KIAA0319: variants seen among roughly 807,000 people sequenced by gnomAD.
KIAA0319 encodes KIAA0319, also known as dyslexia-associated protein KIAA0319.
A neutral mutation model predicts 108.4 loss-of-function variants in KIAA0319; 83 were observed. The ratio of observed to expected loss-of-function variants is 0.77; its 90% confidence interval spans 0.64 to 0.92. The LOEUF is 0.92. Among genes scored for constraint, KIAA0319 ranks in the 40% least tolerant of loss-of-function variants. The probability of loss-of-function intolerance (pLI) is 0.00; values close to 1 mark genes in which losing one functional copy is unlikely to be tolerated. For synonymous variants in KIAA0319, 484 were observed against 510.4 expected, an observed-to-expected ratio of 0.95 and a Z score of 0.70; for missense variants, 1,195 against 1,322.4, an observed-to-expected ratio of 0.90 and a Z score of 1.49.
At chr6:24,564,730 C>T (rs1377637718) in intron 14 of KIAA0319, among the ~76,000 whole-genome samples, 3 of 152,190 alleles carry the variant, frequency 2.0e-5, no homozygotes, top group Non-Finnish European at 2.9e-5. Flanking sequence ...CTTGAATTCC[C>T]TCATAATGTA....
In KIAA0319 at chr6:24,600,489, G is replaced by A; in HGVS notation, c.55+560C>T. ...CACATCCCTAGGAGGTCTGGAGTGTGGCATGAGAAACTGCATTTTAACAAG... is the reference window on the plus strand; with the variant it reads ...CACATCCCTAGGAGGTCTGGAGTGTAGCATGAGAAACTGCATTTTAACAAG... On this transcript the variant is annotated intron_variant, in intron 2 of 20. Transcript: ENST00000378214. 6.2e-6 allele frequency: 4 copies of A among 642,902 alleles called. No individual in the cohort carries two copies. The South Asian group carries it at 7.3e-5, about 12-fold the overall frequency. The allele number at this position is 642,902 out of a possible 1,614,324, so 39.8% of individuals were successfully genotyped here.
At chr6:24,566,165 C>T (rs1239043813) in intron 14 of KIAA0319, among the ~76,000 whole-genome samples, 7 of 152,148 alleles carry the variant, frequency 4.6e-5, no homozygotes, top group South Asian at 2.1e-4. Context: ...TGCCGTGGAC[C>T]GAACTGTGTC....
intron 19 of KIAA0319, among the ~76,000 whole-genome samples, chr6:24,553,584 A>C (rs139879451): frequency 1.9e-3 from 294 of 152,186 alleles, no homozygotes; most frequent in Admixed American, 3.3e-3. Flanking sequence ...GTCTGATTAT[A>C]GGTCATAAAA....
chr6:24,556,169 C>T (rs1762259285), intron 18 of KIAA0319, among the ~76,000 whole-genome samples: 2 of 150,618 alleles, frequency 1.3e-5, no homozygotes, highest in South Asian at 2.1e-4. Context: ...CCCTCCCTTC[C>T]CTCCCCTCCC....
intron 1 of KIAA0319, among the ~76,000 whole-genome samples, chr6:24,643,718 G>GAACACATCTCAAAAATAAC (rs1777258796): frequency 6.6e-6 from 1 of 152,060 alleles, no homozygotes; most frequent in South Asian, 2.1e-4. Context: ...TCCTGAAAAA[G>GAACACATCTCAAAAATAAC]AACACATCTC....
At position 24,556,731 on chromosome 6, in the gene KIAA0319, T is replaced by A; in HGVS notation, c.2735-2A>T. ...GGCCAGAACACTTCAGAAGGCAACCTGCAAAGAGGTGTGTAGGGCTGAGGG... is the reference window on the plus strand; with the variant it reads ...GGCCAGAACACTTCAGAAGGCAACCAGCAAAGAGGTGTGTAGGGCTGAGGG... On this transcript the variant is annotated splice_acceptor_variant, in intron 17 of 20. Coordinates refer to ENST00000378214, the MANE Select transcript of KIAA0319 (RefSeq NM_014809.4). LOFTEE classifies it high-confidence loss of function. 6.2e-7 allele frequency: 1 copy of A among 1,612,936 alleles called. No homozygotes were observed. Among genetic ancestry groups the A allele is most frequent in the Non-Finnish European group, 8.5e-7 (1 of 1,179,702 alleles).
intron 1 of KIAA0319, among the ~76,000 whole-genome samples, chr6:24,616,207 A>G (rs570862253): frequency 2.6e-5 from 4 of 152,346 alleles, no homozygotes; most frequent in Middle Eastern, 3.4e-3. Flanking sequence ...ATATTTTTAA[A>G]ACCCAATTAA....
chr6:24,600,998 G>A (rs754127500), intron 2 of KIAA0319, 51 bp downstream of exon 2: 2 of 1,610,996 alleles, frequency 1.2e-6, no homozygotes, highest in Admixed American at 1.7e-5. Context: ...GCTTACACTA[G>A]TCAAGAAACT....
At chr6:24,624,362 C>T (rs139488870) in intron 1 of KIAA0319, among the ~76,000 whole-genome samples, 121 of 151,996 alleles carry the variant, frequency 8.0e-4, no homozygotes, top group African/African-American at 2.6e-3. Context: ...ATTGCACAAA[C>T]TATCTATCAA....
At chr6:24,580,320 C>CG (rs1766295501) in intron 7 of KIAA0319, among the ~76,000 whole-genome samples, 2 of 146,914 alleles carry the variant, frequency 1.4e-5, no homozygotes, top group Non-Finnish European at 3.0e-5. Context: ...CTCCCCCCCC[C>CG]ACCCCCCATA....
In KIAA0319 at chr6:24,575,917, A is replaced by T. The variant is rs559471356; in HGVS notation, c.1734+451T>A. 3.3e-5 allele frequency among the ~76,000 whole-genome samples: 5 copies of T among 152,360 alleles called. No homozygotes were observed. The East Asian group carries it at 7.7e-4, about 23-fold the overall frequency. On this transcript the variant is annotated intron_variant, in intron 10 of 20. Transcript: ENST00000378214. ...GTTGTTAGACAAATATATTTAAAAG[A>T]TTTGAACAAATCAAAAGGTAGATAC...
intron 1 of KIAA0319, among the ~76,000 whole-genome samples, chr6:24,636,948 T>C (rs1017418628): frequency 6.6e-6 from 1 of 152,238 alleles, no homozygotes; most frequent in Non-Finnish European, 1.5e-5. Context: ...TTGAGCAAAC[T>C]ATCTACTCCA....
rs1227178189 is a variant in KIAA0319, at chr6:24,553,336, C to T, written c.2948+1205G>A. 6.6e-3 allele frequency among the ~76,000 whole-genome samples: 366 copies of T among 55,122 alleles called. 2 individuals carry two copies. The highest frequency in any genetic ancestry group is 0.015 in the African/African-American group (260 of 17,102). 36.2% of individuals were successfully genotyped at this position (55,122 alleles called of 152,430 possible). ...ACACACACACACACACACACACACACGCACATATATATATATATATATCTG... is the reference window on the plus strand; with the variant it reads ...ACACACACACACACACACACACACATGCACATATATATATATATATATCTG... On this transcript the variant is annotated intron_variant, in intron 19 of 20. Transcript: ENST00000378214.
intron 3 of KIAA0319, among the ~76,000 whole-genome samples, chr6:24,594,280 A>ACACTTC (rs1769065423): frequency 1.3e-5 from 2 of 150,588 alleles, no homozygotes; most frequent in Non-Finnish European, 3.0e-5. Context: ...ATAAGTAAGG[A>ACACTTC]AAAATATAGA....
intron 17 of KIAA0319, among the ~76,000 whole-genome samples, chr6:24,557,203 C>CAA (rs11449073): frequency 2.1e-4 from 32 of 150,430 alleles, no homozygotes; most frequent in South Asian, 1.1e-3. Flanking sequence ...GACTTTGTCT[C>CAA]AAAAAAAAAG....
Position 24,552,766 on chromosome 6 carries a change from C to T in KIAA0319, c.2949-1241G>A, listed in dbSNP as rs148128525. ...GATTACAGGCATGCACCACCACGCC[C>T]AGCTAATTTTGTATTTTCAGTAGAG... On this transcript the variant is annotated intron_variant, in intron 19 of 20. Transcript: ENST00000378214. Among the ~76,000 whole-genome samples the T allele has an allele frequency of 2.6e-3, 390 of 152,268 alleles. 3 individuals are homozygous for T. Among genetic ancestry groups the T allele is most frequent in the African/African-American group, 9.0e-3 (375 of 41,556 alleles).
At chr6:24,578,347 T>C (rs1291757144) in intron 8 of KIAA0319, 105 bp from the exon 9 acceptor site, 1 of 820,080 alleles carries the variant, frequency 1.2e-6, no homozygotes, top group African/African-American at 1.7e-5. Flanking sequence ...TAAGAAATTA[T>C]GTACTTGCCT....
At chr6:24,579,172 G>T (rs1270367526) in intron 8 of KIAA0319, among the ~76,000 whole-genome samples, 2 of 152,018 alleles carry the variant, frequency 1.3e-5, no homozygotes, top group East Asian at 3.9e-4. Flanking sequence ...TGATAAGGTT[G>T]AACCTAGTCA....
intron 3 of KIAA0319, 92 bp downstream of exon 3, chr6:24,595,781 T>G: frequency 2.8e-6 from 4 of 1,422,836 alleles, no homozygotes; most frequent in Non-Finnish European, 3.8e-6. Flanking sequence ...TCATACAGCC[T>G]GAATGAGTGC....
Sources: gnomAD v4.1 joint callset for allele counts (sites outside exome capture counted in the v4.1 genomes callset) on GRCh38, gnomAD v4.1.1 for gene constraint, MANE v1.5 for transcripts, NCBI Gene and HGNC (gene_info 2026-07-23, HGNC 2026-07-21) for gene names.